LYPLAL1: variants seen among roughly 807,000 people sequenced by gnomAD.
LYPLAL1 encodes the protein lysophospholipase-like protein 1.
In LYPLAL1, 23 loss-of-function variants were observed where a neutral mutation model predicts 19.7. That is an observed-to-expected ratio of 1.17 (90% confidence interval 0.84 to 1.65). LYPLAL1 has a LOEUF of 1.65. Among genes scored for constraint, LYPLAL1 ranks in the 40% most tolerant of loss-of-function variants. The pLI, the probability that LYPLAL1 is intolerant of heterozygous loss-of-function variation, is 0.00. For missense variants in LYPLAL1, 355 were observed against 279.4 expected (o/e 1.27, Z -1.93); for synonymous variants, 119 against 96.3 (o/e 1.24, Z -1.38).
At chr1:219,396,609 G>A in the LYPLAL1 span, among the ~76,000 whole-genome samples, 3 of 152,120 alleles carry the variant, frequency 2.0e-5, no homozygotes, top group African/African-American at 4.8e-5. Context: ...TTTGAGCAGT[G>A]TTTTGTAGTT....
the LYPLAL1 span, among the ~76,000 whole-genome samples, chr1:219,403,797 A>C: frequency 3.3e-5 from 5 of 152,194 alleles, no homozygotes; most frequent in African/African-American, 1.2e-4. Flanking sequence ...TGCAGTGAGA[A>C]CTTTCAATGA....
chr1:219,419,582 C>CAGAGAGAG, the LYPLAL1 span, among the ~76,000 whole-genome samples: 28 of 125,628 alleles, frequency 2.2e-4, no homozygotes, highest in African/African-American at 9.1e-4. Context: ...CACACACACA[C>CAGAGAGAG]ACACACACAC....
the LYPLAL1 span, among the ~76,000 whole-genome samples, chr1:219,300,239 C>G: frequency 6.6e-6 from 1 of 152,140 alleles, no homozygotes; most frequent in African/African-American, 2.4e-5. Flanking sequence ...CCACCTCGGC[C>G]TCCCAAAGTG....
the LYPLAL1 span, among the ~76,000 whole-genome samples, chr1:219,310,461 A>G: frequency 2.0e-5 from 3 of 152,188 alleles, no homozygotes; most frequent in African/African-American, 7.2e-5. Flanking sequence ...GCAAGCACTC[A>G]AGTGTCCTGA....
chr1:219,362,883 T>C, the LYPLAL1 span, among the ~76,000 whole-genome samples: 9 of 151,992 alleles, frequency 5.9e-5, no homozygotes, highest in African/African-American at 2.2e-4. Flanking sequence ...CTCAGGAAAA[T>C]TTATTCAAGA....
chr1:219,411,562 A>G, the LYPLAL1 span, among the ~76,000 whole-genome samples: 1 of 152,180 alleles, frequency 6.6e-6, no homozygotes, highest in African/African-American at 2.4e-5. Flanking sequence ...GGGTGGGGCC[A>G]GATAAGAGAA....
chr1:219,379,245 G>C, the LYPLAL1 span, among the ~76,000 whole-genome samples: 1 of 152,144 alleles, frequency 6.6e-6, no homozygotes, highest in Non-Finnish European at 1.5e-5. Context: ...TGGTTGCTGA[G>C]TAGCCTTAGG....
the LYPLAL1 span, among the ~76,000 whole-genome samples, chr1:219,410,712 G>A: frequency 2.4e-4 from 36 of 152,270 alleles, no homozygotes; most frequent in African/African-American, 8.7e-4. Context: ...GGAGTTCCTG[G>A]TGGGCGTGGG....
At chr1:219,342,705 G>T in the LYPLAL1 span, among the ~76,000 whole-genome samples, 1 of 152,074 alleles carries the variant, frequency 6.6e-6, no homozygotes, top group South Asian at 2.1e-4. Flanking sequence ...CAAGACTGCT[G>T]GTTAAAAAAT....
At chr1:219,299,354 A>G in the LYPLAL1 span, among the ~76,000 whole-genome samples, 1 of 152,112 alleles carries the variant, frequency 6.6e-6, no homozygotes, top group East Asian at 1.9e-4. Flanking sequence ...ACTATGTATT[A>G]TCACATACAT....
At chr1:219,283,785 G>A in the LYPLAL1 span, among the ~76,000 whole-genome samples, 10 of 152,254 alleles carry the variant, frequency 6.6e-5, no homozygotes, top group African/African-American at 2.2e-4. Context: ...TGATCTGTGG[G>A]TAGAGACTTA....
chr1:219,249,081 C>T, the LYPLAL1 span, among the ~76,000 whole-genome samples: 1 of 152,002 alleles, frequency 6.6e-6, no homozygotes, highest in African/African-American at 2.4e-5. Context: ...TTGCATATTT[C>T]ATTATGTGGA....
the LYPLAL1 span, among the ~76,000 whole-genome samples, chr1:219,342,630 T>C: frequency 2.6e-5 from 4 of 152,164 alleles, no homozygotes; most frequent in African/African-American, 4.8e-5. Context: ...GCACTAGTCT[T>C]GCATTTTCTG....
chr1:219,192,239 G>A (rs535047771), intron 2 of LYPLAL1, among the ~76,000 whole-genome samples: 83 of 151,702 alleles, frequency 5.5e-4, no homozygotes, highest in African/African-American at 1.6e-3. Flanking sequence ...TCTTTTAGCC[G>A]TCTATTTTTG....
the LYPLAL1 span, among the ~76,000 whole-genome samples, chr1:219,278,963 G>C: frequency 6.6e-6 from 1 of 152,132 alleles, no homozygotes. Flanking sequence ...TGGCAGTAGG[G>C]GTAGGGGGAT....
intron 4 of LYPLAL1, among the ~76,000 whole-genome samples, chr1:219,211,256 C>T (rs1205141455): frequency 2.6e-5 from 4 of 152,022 alleles, no homozygotes; most frequent in Admixed American, 6.6e-5. Context: ...TTAAGACGTC[C>T]TCTATAGAAT....
chr1:219,420,434 C>A, the LYPLAL1 span, among the ~76,000 whole-genome samples: 2 of 152,144 alleles, frequency 1.3e-5, no homozygotes, highest in African/African-American at 4.8e-5. Context: ...ATTGCAATAT[C>A]AAGAATATTC....
the LYPLAL1 span, among the ~76,000 whole-genome samples, chr1:219,424,248 G>T: frequency 0.07 from 10,645 of 152,080 alleles, 553 homozygotes; most frequent in Middle Eastern, 0.11. Context: ...TATAAACTTA[G>T]CATTGACACT....
chr1:219,349,596 T>C, the LYPLAL1 span, among the ~76,000 whole-genome samples: 5 of 152,258 alleles, frequency 3.3e-5, no homozygotes, highest in South Asian at 2.1e-4. Context: ...TGCATGCATG[T>C]ATGTATGTGT....
Sources: allele counts gnomAD v4.1 joint callset (sites outside exome capture counted in the v4.1 genomes callset), GRCh38; gene constraint gnomAD v4.1.1; transcripts MANE v1.5; gene names NCBI Gene and HGNC (gene_info 2026-07-23, HGNC 2026-07-21).